Variants in RREB1 observed in about 807,000 individuals in gnomAD.
The protein encoded by RREB1 is ras-responsive element-binding protein 1.
Under a neutral mutation model 117.8 loss-of-function variants are expected in RREB1, and 27 were observed. The observed-to-expected ratio is 0.23, with a 90% CI of 0.17 to 0.32. RREB1 has a LOEUF of 0.32. RREB1 is among the 10% of genes least tolerant of loss of function. RREB1 has a pLI of 1.00. For missense variants in RREB1, 2,577 were observed against 2,378.2 expected, an observed-to-expected ratio of 1.08 and a Z score of -1.74; for synonymous variants, 1,298 against 1,026.7, an observed-to-expected ratio of 1.26 and a Z score of -5.05.
intron 1 of RREB1, among the ~76,000 whole-genome samples, chr6:7,112,661 A>T (rs1230386678): frequency 1.3e-5 from 2 of 152,154 alleles, no homozygotes; most frequent in Non-Finnish European, 2.9e-5. Context: ...GAAATGCATC[A>T]CTTATTTTTC....
At chr6:7,184,935 G>A (rs796228779) in intron 4 of RREB1, 21 of 152,156 alleles carry the variant, frequency 1.4e-4, no homozygotes, top group African/African-American at 5.1e-4. Context: ...TACCCCGGAG[G>A]TGGAACTCAT....
intron 6 of RREB1, among the ~76,000 whole-genome samples, chr6:7,210,192 T>G (rs767707512): frequency 2.9e-4 from 44 of 152,230 alleles, no homozygotes; most frequent in Admixed American, 1.8e-3. Flanking sequence ...AGTTACCACA[T>G]GTAACTTTTT....
intron 1 of RREB1, among the ~76,000 whole-genome samples, chr6:7,108,471 C>T (rs1038355805): frequency 6.6e-6 from 1 of 152,034 alleles, no homozygotes; most frequent in African/African-American, 2.4e-5. Flanking sequence ...AGGAATCCGG[C>T]CCGACCCGCG....
intron 11 of RREB1, among the ~76,000 whole-genome samples, chr6:7,241,779 T>C (rs1215776875): frequency 6.6e-6 from 1 of 152,188 alleles, no homozygotes; most frequent in African/African-American, 2.4e-5. Context: ...ACCGCCAGTC[T>C]AGATCAGATC....
At chr6:7,111,196 T>C (rs1761125183) in intron 1 of RREB1, among the ~76,000 whole-genome samples, 1 of 152,232 alleles carries the variant, frequency 6.6e-6, no homozygotes, top group African/African-American at 2.4e-5. Context: ...CTGTACAGTG[T>C]AGCTGCCTTA....
intron 11 of RREB1, among the ~76,000 whole-genome samples, chr6:7,242,245 G>A (rs571420362): frequency 9.9e-5 from 15 of 152,278 alleles, no homozygotes; most frequent in African/African-American, 3.6e-4. Flanking sequence ...ACAAAGACTG[G>A]GGCTCCTGCT....
At chr6:7,142,446 C>G (rs959559363) in intron 1 of RREB1, among the ~76,000 whole-genome samples, 3 of 152,242 alleles carry the variant, frequency 2.0e-5, no homozygotes, top group Non-Finnish European at 4.4e-5. Context: ...GACGCAGTTT[C>G]TCGATGTTCT....
At position 7,249,221 on chromosome 6, in the gene RREB1, A is replaced by G. The variant is rs565634682; in HGVS notation, c.*253A>G. The G allele has an allele frequency of 6.6e-6, 3 of 451,344 alleles. No homozygotes were observed. The highest frequency in any genetic ancestry group is 2.0e-5 in the African/African-American group (1 of 50,406). The allele number at this position is 451,344 out of a possible 1,614,324, so 28.0% of individuals were successfully genotyped here. The stretch of plus-strand genomic sequence containing the variant: ...ACTTACCGGATCCCTCCATATTATC[A>G]TGGGTGTTGTATTTTTCCAAAATGA... On this transcript the variant is annotated 3_prime_UTR_variant, in exon 13 of 13. Transcript: ENST00000379938.
At chr6:7,108,702 GGTAT>G (rs1282288263) in intron 1 of RREB1, 1 of 152,482 alleles carries the variant, frequency 6.6e-6, no homozygotes, top group Non-Finnish European at 1.5e-5. Context: ...GCCGCCCTAA[GGTAT>G]CCGGGGGTGC....
At chr6:7,215,050 T>A (rs1267038023) in intron 8 of RREB1, 1 of 153,170 alleles carries the variant, frequency 6.5e-6, no homozygotes, top group Non-Finnish European at 1.5e-5. Context: ...CCCCCAGGGC[T>A]CCCCAGATGA....
In RREB1 at chr6:7,230,868, T is replaced by C. The variant is rs772036564; in HGVS notation, c.2769T>C (p.Ser923=). 2 of 1,614,110 alleles carry C rather than the reference T, an allele frequency of 1.2e-6. No individual in the cohort carries two copies. Among genetic ancestry groups the C allele is most frequent in the East Asian group, 2.2e-5 (1 of 44,894 alleles). Residue 923 remains serine, a synonymous_variant, in exon 10 of 13, where the codon TCT becomes TCC. Coordinates refer to ENST00000379938, the MANE Select transcript of RREB1 (RefSeq NM_001003699.4). ...AAAACATCTCCTTTCTGAGCCCTTC[T>C]TCCCTGGTCCCCTATGACTGCTCCA... ...KQENISFLSP[S]SLVPYDCSME...
At chr6:7,234,372 C>T (rs1332852027) in intron 10 of RREB1, among the ~76,000 whole-genome samples, 2 of 152,180 alleles carry the variant, frequency 1.3e-5, no homozygotes, top group African/African-American at 2.4e-5. Flanking sequence ...GTGCTCCCAC[C>T]TCCCCCTGCT....
At chr6:7,243,180 C>T (rs1299908111) in intron 11 of RREB1, among the ~76,000 whole-genome samples, 1 of 152,244 alleles carries the variant, frequency 6.6e-6, no homozygotes. Flanking sequence ...GGAGTGCAGA[C>T]ACAGCAGCTT....
At chr6:7,130,678 G>A (rs1762117118) in intron 1 of RREB1, among the ~76,000 whole-genome samples, 2 of 151,026 alleles carry the variant, frequency 1.3e-5, no homozygotes, top group Admixed American at 6.6e-5. Flanking sequence ...GTGCCATGGC[G>A]TGATCTTGGC....
At chr6:7,241,067 C>T (rs539374789) in intron 11 of RREB1, among the ~76,000 whole-genome samples, 23 of 152,218 alleles carry the variant, frequency 1.5e-4, no homozygotes, top group Non-Finnish European at 3.2e-4. Context: ...ACGAGGGGTG[C>T]GGTGTTCTTC....
rs766290053 is a variant in RREB1, at chr6:7,230,049, G to T, written c.1950G>T (p.Gln650His). 32 of 1,609,542 alleles carry T rather than the reference G, an allele frequency of 2.0e-5. No homozygotes were observed. Among genetic ancestry groups the T allele is most frequent in the Non-Finnish European group, 2.5e-5 (30 of 1,176,928 alleles). The change falls in exon 10 of 13, where the codon CAG becomes CAT. Residue 650 changes from glutamine to histidine, a missense_variant. Physicochemically the swap from Gln to His is conservative, Grantham distance 24. Coordinates refer to ENST00000379938, the MANE Select transcript of RREB1 (RefSeq NM_001003699.4). ...TCTACCCCTGCCGCTTCTGCAACCA[G>T]GTGTTTGCCTTCTCGGGGGTCTTGC... ...KVLYPCRFCN[Q>H]VFAFSGVLRA...
chr6:7,168,103 A>C (rs963384709), intron 1 of RREB1, among the ~76,000 whole-genome samples: 2 of 151,852 alleles, frequency 1.3e-5, no homozygotes. Flanking sequence ...TAAAAATACA[A>C]ATTTAGCCGG....
chr6:7,247,253 C>A, intron 12 of RREB1, 32 bp downstream of exon 12: 6 of 1,580,636 alleles, frequency 3.8e-6, no homozygotes, highest in Non-Finnish European at 5.2e-6. Context: ...CCCGGCCCAA[C>A]AAGAGGAGGC....
intron 3 of RREB1, 62 bp from the exon 4 acceptor site, chr6:7,181,808 C>T (rs565468152): frequency 8.6e-7 from 1 of 1,169,540 alleles, no homozygotes; most frequent in African/African-American, 1.5e-5. Flanking sequence ...TGGCCAGCGC[C>T]CCCTGGCAAT....
Sources: gnomAD v4.1 joint callset for allele counts (sites outside exome capture counted in the v4.1 genomes callset) on GRCh38, gnomAD v4.1.1 for gene constraint, MANE v1.5 for transcripts, NCBI Gene and HGNC (gene_info 2026-07-23, HGNC 2026-07-21) for gene names.